PRKCH: variants seen among roughly 807,000 people sequenced by gnomAD.
PRKCH encodes protein kinase C eta.
A neutral mutation model predicts 82.5 loss-of-function variants in PRKCH; 28 were observed. That is an observed-to-expected ratio of 0.34 (90% CI 0.25 to 0.47). PRKCH has a LOEUF of 0.47. PRKCH is among the 20% of genes least tolerant of loss of function. PRKCH has a pLI of 1.00. For synonymous variants in PRKCH, 322 were observed against 327.4 expected (o/e 0.98, Z 0.18); for missense variants, 705 against 881.8 (o/e 0.80, Z 2.54).
intron 1 of PRKCH, among the ~76,000 whole-genome samples, chr14:61,276,436 A>G (rs143560958): frequency 0.023 from 3,469 of 151,644 alleles, 83 homozygotes; most frequent in Admixed American, 0.065. Context: ...GCTTACTGCA[A>G]CCTCTGCCTC....
intron 10 of PRKCH, among the ~76,000 whole-genome samples, chr14:61,510,001 A>T (rs1311651279): frequency 6.6e-6 from 1 of 152,178 alleles, no homozygotes; most frequent in African/African-American, 2.4e-5. Flanking sequence ...TGATTCTGAT[A>T]TGCAAGTTTT....
Position 61,524,292 on chromosome 14 carries a change from G to A in PRKCH, c.1434-4783G>A, listed in dbSNP as rs561603755. ...TCTGAAACTACTGTGGGCATTTTAA[G>A]TAACCCTGATTACCCAGCAAGAACA... On this transcript the variant is annotated intron_variant, in intron 10 of 13. Coordinates refer to ENST00000332981, the MANE Select transcript of PRKCH (RefSeq NM_006255.5). Among the ~76,000 whole-genome samples, 3 of 152,334 alleles carry A rather than the reference G, an allele frequency of 2.0e-5. No individual in the cohort carries two copies. In the East Asian group the frequency reaches 5.8e-4, roughly 29 times the overall value.
chr14:61,422,508 C>T (rs1465165400), intron 2 of PRKCH, among the ~76,000 whole-genome samples: 1 of 152,064 alleles, frequency 6.6e-6, no homozygotes, highest in Non-Finnish European at 1.5e-5. Flanking sequence ...TACCCCGTTC[C>T]CCTCATCCTC....
At chr14:61,246,525 C>T (rs2044884826) in intron 1 of PRKCH, among the ~76,000 whole-genome samples, 6 of 151,904 alleles carry the variant, frequency 3.9e-5, no homozygotes, top group Admixed American at 3.9e-4. Context: ...TTCCTCTGGC[C>T]TTTCTCCCTT....
intron 9 of PRKCH, among the ~76,000 whole-genome samples, chr14:61,470,228 G>T (rs1256858724): frequency 6.6e-6 from 1 of 151,936 alleles, no homozygotes; most frequent in Non-Finnish European, 1.5e-5. Context: ...CTGGTTAGTG[G>T]TGGGTTCTGG....
chr14:61,372,458 C>G (rs1030006012), intron 1 of PRKCH, among the ~76,000 whole-genome samples: 10 of 152,086 alleles, frequency 6.6e-5, no homozygotes, highest in African/African-American at 2.4e-4. Flanking sequence ...GCCTTTCTCC[C>G]TTGTCTGCAA....
chr14:61,323,353 A>C (rs902949359), intron 1 of PRKCH, among the ~76,000 whole-genome samples: 10 of 152,132 alleles, frequency 6.6e-5, no homozygotes, highest in Non-Finnish European at 1.3e-4. Context: ...TAATCCTCAC[A>C]CTGTCTTTGT....
intron 9 of PRKCH, among the ~76,000 whole-genome samples, chr14:61,472,159 G>A (rs1231456314): frequency 3.9e-5 from 6 of 152,208 alleles, no homozygotes; most frequent in Non-Finnish European, 2.9e-5. Context: ...GCTCTCAACA[G>A]TGAAGCCTGC....
chr14:61,426,991 T>C (rs1228051656), intron 2 of PRKCH, among the ~76,000 whole-genome samples: 1 of 152,174 alleles, frequency 6.6e-6, no homozygotes, highest in Non-Finnish European at 1.5e-5. Flanking sequence ...CAAATATGAG[T>C]GACCACAGCC....
intron 1 of PRKCH, among the ~76,000 whole-genome samples, chr14:61,387,745 C>T (rs1281616954): frequency 6.6e-6 from 1 of 152,186 alleles, no homozygotes; most frequent in African/African-American, 2.4e-5. Flanking sequence ...ACCTACTGTA[C>T]CCTTTTATAT....
At chr14:61,520,312 A>G (rs1017555177) in intron 10 of PRKCH, among the ~76,000 whole-genome samples, 2 of 151,726 alleles carry the variant, frequency 1.3e-5, no homozygotes, top group Non-Finnish European at 2.9e-5. Flanking sequence ...CCTTTTCTTT[A>G]TCCCTCTCTG....
chr14:61,221,457 A>G (rs1373750367), intron 1 of PRKCH, among the ~76,000 whole-genome samples: 1 of 151,890 alleles, frequency 6.6e-6, no homozygotes, highest in African/African-American at 2.4e-5. Flanking sequence ...TTGGGAAAAT[A>G]TTGACGTGTG....
chr14:61,224,480 C>T (rs1233074470), intron 1 of PRKCH, among the ~76,000 whole-genome samples: 1 of 152,174 alleles, frequency 6.6e-6, no homozygotes, highest in Non-Finnish European at 1.5e-5. Context: ...TTCTTTGGCT[C>T]CTTTTTGCTG....
In PRKCH at chr14:61,457,209, G is replaced by C; in HGVS notation, c.994G>C (p.Gly332Arg). 6.2e-7 allele frequency: 1 copy of C among 1,614,196 alleles called. No homozygotes were observed. Among genetic ancestry groups the C allele is most frequent in the Non-Finnish European group, 8.5e-7 (1 of 1,180,036 alleles). ...LVSRSTLRRQGKESSKEGNGI... is the reference protein window; with the variant it reads ...LVSRSTLRRQRKESSKEGNGI... The stretch of plus-strand genomic sequence containing the variant: ...TTCCAGATCGACCCTAAGACGACAG[G>C]GAAAGGAGAGCAGCAAAGAAGGAAA... Residue 332 changes from glycine (G) to arginine (R), a missense_variant, in exon 8 of 14, where the codon GGA becomes CGA. Coordinates refer to ENST00000332981, the MANE Select transcript of PRKCH (RefSeq NM_006255.5).
chr14:61,409,239 G>A (rs577400010), intron 2 of PRKCH, among the ~76,000 whole-genome samples: 1 of 152,166 alleles, frequency 6.6e-6, no homozygotes, highest in South Asian at 2.1e-4. Flanking sequence ...GGGAATGCTG[G>A]TAGATAGCAG....
At position 61,436,899 on chromosome 14, in the gene PRKCH, C is replaced by T. The variant is rs368237168; in HGVS notation, c.428-6212C>T. 7.2e-5 allele frequency among the ~76,000 whole-genome samples: 11 copies of T among 152,350 alleles called. No homozygotes were observed. The East Asian group carries it at 1.4e-3, about 19-fold the overall frequency. On this transcript the variant is annotated intron_variant, in intron 2 of 13. Coordinates refer to ENST00000332981, the MANE Select transcript of PRKCH (RefSeq NM_006255.5). Reference sequence around the variant, plus strand: ...TGTCACAGGTGCTGGCACAAAATTCCTGGTACCTTCTCCCTGCTCTAATTC... The same window carrying T: ...TGTCACAGGTGCTGGCACAAAATTCTTGGTACCTTCTCCCTGCTCTAATTC...
chr14:61,356,851 T>C (rs1464295445), intron 1 of PRKCH, among the ~76,000 whole-genome samples: 1 of 152,200 alleles, frequency 6.6e-6, no homozygotes, highest in East Asian at 1.9e-4. Context: ...CTGGCTAATT[T>C]TTGTATTTTT....
intron 1 of PRKCH, among the ~76,000 whole-genome samples, chr14:61,302,572 T>C (rs1461656646): frequency 6.6e-6 from 1 of 152,226 alleles, no homozygotes. Flanking sequence ...TCCACAAATT[T>C]TGATTTTTAA....
chr14:61,499,552 A>G (rs1455527850), intron 10 of PRKCH, among the ~76,000 whole-genome samples: 2 of 152,120 alleles, frequency 1.3e-5, no homozygotes, highest in African/African-American at 4.8e-5. Flanking sequence ...CAGAGTAGCC[A>G]TGTAAGCCTG....
Sources: gnomAD v4.1 joint callset for allele counts (sites outside exome capture counted in the v4.1 genomes callset) on GRCh38, gnomAD v4.1.1 for gene constraint, MANE v1.5 for transcripts, NCBI Gene and HGNC (gene_info 2026-07-23, HGNC 2026-07-21) for gene names.